The following PLCE1 variants were observed in gnomAD, a reference collection of about 807,000 sequenced individuals.
PLCE1 encodes phospholipase C epsilon 1.
PLCE1 carries 119 observed loss-of-function variants against 242.8 expected under a neutral mutation model. The observed-to-expected ratio is 0.49, with a 90% confidence interval of 0.42 to 0.57. The LOEUF (loss-of-function observed/expected upper bound fraction) is 0.57, where lower values mean the gene tolerates loss of function less well. PLCE1 is among the 20% of genes least tolerant of loss of function. PLCE1 has a pLI of 0.00. For synonymous variants in PLCE1, 945 were observed against 1,017.4 expected (o/e 0.93, Z 1.35); for missense variants, 2,441 against 2,788.8 (o/e 0.88, Z 2.81).
At chr10:94,037,557 C>T (rs932851538) in intron 2 of PLCE1, among the ~76,000 whole-genome samples, 20 of 152,098 alleles carry the variant, frequency 1.3e-4, no homozygotes, top group African/African-American at 3.9e-4. Context: ...TCTTTCATTA[C>T]GAAGGGTAGT....
chr10:94,055,710 A>T (rs2043885986), intron 2 of PLCE1, among the ~76,000 whole-genome samples: 1 of 152,162 alleles, frequency 6.6e-6, no homozygotes, highest in African/African-American at 2.4e-5. Context: ...AATCTCTCTG[A>T]TTCTCATTTC....
At chr10:94,062,058 G>T (rs973585661) in intron 2 of PLCE1, among the ~76,000 whole-genome samples, 1 of 152,188 alleles carries the variant, frequency 6.6e-6, no homozygotes, top group Non-Finnish European at 1.5e-5. Context: ...AGGATTAAAA[G>T]AATTAATAAA....
intron 2 of PLCE1, among the ~76,000 whole-genome samples, chr10:94,039,398 C>T (rs1380965896): frequency 6.6e-6 from 1 of 150,690 alleles, no homozygotes. Flanking sequence ...TTTTTTTTCC[C>T]GGAGACGGAG....
At chr10:94,106,912 T>TTCTCTTTCTCTCTCTCTCTCTCTCTCTC (rs1392359262) in intron 2 of PLCE1, among the ~76,000 whole-genome samples, 41 of 38,770 alleles carry the variant, frequency 1.1e-3, no homozygotes, top group Middle Eastern at 0.062. Context: ...TGTCTCTTGT[T>TTCTCTTTCTCTCTCTCTCTCTCTCTCTC]TCTCTCTCTC....
At chr10:94,160,808 T>C (rs2047586892) in intron 3 of PLCE1, among the ~76,000 whole-genome samples, 2 of 152,196 alleles carry the variant, frequency 1.3e-5, no homozygotes, top group Admixed American at 1.3e-4. Flanking sequence ...GGCATCCAGT[T>C]TCAGTTTTCT....
intron 2 of PLCE1, among the ~76,000 whole-genome samples, chr10:94,069,427 C>T (rs2044289739): frequency 6.6e-6 from 1 of 152,024 alleles, no homozygotes; most frequent in African/African-American, 2.4e-5. Flanking sequence ...TAGTGAAAAC[C>T]CATCTCTATT....
intron 7 of PLCE1, among the ~76,000 whole-genome samples, chr10:94,237,445 T>C (rs546142254): frequency 3.3e-5 from 5 of 152,304 alleles, no homozygotes; most frequent in Non-Finnish European, 7.3e-5. Context: ...TTATGAAATT[T>C]TTGTCTCTAA....
chr10:94,066,963 A>T (rs913200078), intron 2 of PLCE1, among the ~76,000 whole-genome samples: 4 of 152,100 alleles, frequency 2.6e-5, no homozygotes, highest in African/African-American at 9.7e-5. Flanking sequence ...TTTGTCTCCT[A>T]TTTCCAGGGG....
intron 4 of PLCE1, among the ~76,000 whole-genome samples, chr10:94,223,461 T>C (rs2049832431): frequency 6.6e-6 from 1 of 152,044 alleles, no homozygotes; most frequent in Non-Finnish European, 1.5e-5. Flanking sequence ...CAGGGAAAGG[T>C]CATTTTGAAT....
rs927210758 is a variant in PLCE1, at chr10:94,030,942, G to T, written c.-105G>T. On this transcript the variant is annotated 5_prime_UTR_variant, in exon 2 of 33. Transcript: ENST00000371380. ...ATCCCTTTGTTCTTTGGGAGGACTT[G>T]TGTATCTGAGATTGTTGTAATAATC... is the stretch of plus-strand genomic sequence containing the variant. 30 of 1,106,726 alleles carry T rather than the reference G, an allele frequency of 2.7e-5. No individual in the cohort carries two copies. The highest frequency in any genetic ancestry group is 4.2e-5 in the Non-Finnish European group (30 of 722,322). The allele number at this position is 1,106,726 out of a possible 1,614,324, so 68.6% of individuals were successfully genotyped here. A position where few individuals can be genotyped will look rare whatever the true frequency, so the allele number is the denominator to read the frequency against.
At chr10:94,182,178 G>T (rs2048335073) in intron 4 of PLCE1, among the ~76,000 whole-genome samples, 1 of 149,994 alleles carries the variant, frequency 6.7e-6, no homozygotes, top group African/African-American at 2.5e-5. Flanking sequence ...TTCTATCTTT[G>T]GGGTCATCCA....
At chr10:94,100,702 AAG>A (rs1178324382) in intron 2 of PLCE1, 1 of 152,182 alleles carries the variant, frequency 6.6e-6, no homozygotes, top group Non-Finnish European at 1.5e-5. Context: ...TCCTGCAGAT[AAG>A]AGAGATTTTC....
chr10:94,298,773 C>T lies in PLCE1; in HGVS notation c.5458+104C>T. On this transcript the variant is annotated intron_variant, in intron 24 of 32. Transcript: ENST00000371380. The surrounding 1 kb of genome is among the most constrained non-coding windows in gnomAD (Gnocchi z 5.2). ...GGGCAAGATTCCAGACTGGGGCACA[C>T]CATATGTGAGAGTAAAAATATGATG... is the stretch of plus-strand genomic sequence containing the variant. The T allele has an allele frequency of 8.8e-7, 1 of 1,134,888 alleles. No homozygotes were observed. The highest frequency in any genetic ancestry group is 1.3e-6 in the Non-Finnish European group (1 of 750,756). The allele number at this position is 1,134,888 out of a possible 1,614,324, so 70.3% of individuals were successfully genotyped here.
Position 94,221,740 on chromosome 10 carries a change from AAAG to A in PLCE1, c.1810-5544_1810-5542del, listed in dbSNP as rs556168808. ...CAAGAGGGAAGTTCTGTCTAAAAAA[AAAG>A]AAGAAGAAGAAGAAGAAGAAGGAAA... On this transcript the variant is annotated intron_variant, in intron 4 of 32. Coordinates refer to ENST00000371380, the MANE Select transcript of PLCE1 (RefSeq NM_016341.4). 3.2e-4 allele frequency among the ~76,000 whole-genome samples: 48 copies of A among 152,108 alleles called. 2 individuals are homozygous for A. Among genetic ancestry groups the A allele is most frequent in the Admixed American group, 6.5e-4 (10 of 15,292 alleles).
chr10:94,062,200 C>G (rs998027140), intron 2 of PLCE1, among the ~76,000 whole-genome samples: 10 of 152,302 alleles, frequency 6.6e-5, no homozygotes, highest in African/African-American at 2.4e-4. Flanking sequence ...TGTCCTAGCT[C>G]TCTTACTTGT....
chr10:94,052,682 A>G (rs141435943), intron 2 of PLCE1, among the ~76,000 whole-genome samples: 181 of 152,246 alleles, frequency 1.2e-3, no homozygotes, highest in Non-Finnish European at 2.1e-3. Flanking sequence ...AGGAATGAGG[A>G]AAGTCCAAAG....
chr10:94,120,418 A>C (rs553396124), intron 2 of PLCE1, among the ~76,000 whole-genome samples: 154 of 152,144 alleles, frequency 1.0e-3, no homozygotes, highest in Non-Finnish European at 1.9e-3. Context: ...CCAGAAGCCA[A>C]CTTATGTTGG....
intron 1 of PLCE1, among the ~76,000 whole-genome samples, chr10:94,013,835 G>C (rs145452121): frequency 2.0e-5 from 3 of 152,170 alleles, no homozygotes; most frequent in African/African-American, 7.2e-5. Context: ...AGCCGAAATC[G>C]GAATGGCCTG....
At chr10:94,027,431 A>G (rs1480672017) in intron 1 of PLCE1, among the ~76,000 whole-genome samples, 1 of 152,200 alleles carries the variant, frequency 6.6e-6, no homozygotes, top group East Asian at 1.9e-4. Flanking sequence ...AATGTTGCTC[A>G]TCCATGATTC....
Sources: gnomAD v4.1 joint callset for allele counts (sites outside exome capture counted in the v4.1 genomes callset) on GRCh38, gnomAD v4.1.1 for gene constraint, Gnocchi (gnomAD v3.1) non-coding constraint, MANE v1.5 for transcripts, NCBI Gene and HGNC (gene_info 2026-07-23, HGNC 2026-07-21) for gene names.